ACER3: variants seen among roughly 807,000 people sequenced by gnomAD.
ACER3 encodes alkCDase 3.
In ACER3, 16 loss-of-function variants were observed where a neutral mutation model predicts 48.9. The observed-to-expected ratio is 0.33, with a 90% CI of 0.22 to 0.50. The LOEUF is 0.50. ACER3 is among the 20% of genes least tolerant of loss of function. ACER3 has a pLI of 0.98. For missense variants in ACER3, 227 were observed against 326.0 expected, an observed-to-expected ratio of 0.70 and a Z score of 2.34; for synonymous variants, 109 against 107.8, an observed-to-expected ratio of 1.01 and a Z score of -0.07.
rs782312106 is a variant in ACER3, at chr11:77,015,261, G to A, written c.599+144G>A. On this transcript the variant is annotated intron_variant, in intron 8 of 10. Transcript: ENST00000532485. ...TAAAAGATATATACAGTATAATAAA[G>A]TTAGACTATTAGAATACCTGTTTAA... 196 of 556,330 alleles carry A rather than the reference G, an allele frequency of 3.5e-4. 1 individual carries two copies. Among genetic ancestry groups the A allele is most frequent in the Non-Finnish European group, 5.0e-4 (162 of 323,068 alleles). The allele number at this position is 556,330 out of a possible 1,614,324, so 34.5% of individuals were successfully genotyped here. A position where few individuals can be genotyped will look rare whatever the true frequency, so the allele number is the denominator to read the frequency against.
At chr11:76,936,238 A>G (rs1048206658) in intron 2 of ACER3, among the ~76,000 whole-genome samples, 11 of 152,202 alleles carry the variant, frequency 7.2e-5, no homozygotes, top group African/African-American at 2.7e-4. Flanking sequence ...CATACAGTAG[A>G]GTTTTTAAAA....
At chr11:76,993,691 A>G (rs554975173) in intron 6 of ACER3, among the ~76,000 whole-genome samples, 7 of 152,210 alleles carry the variant, frequency 4.6e-5, no homozygotes, top group South Asian at 2.1e-4. Flanking sequence ...GTGGAAGACA[A>G]TTTTTCCATG....
chr11:76,887,605 G>C (rs1235416967), intron 1 of ACER3, among the ~76,000 whole-genome samples: 1 of 152,086 alleles, frequency 6.6e-6, no homozygotes, highest in Non-Finnish European at 1.5e-5. Flanking sequence ...GGATTGTTGT[G>C]AAGGTCAAAT....
At position 76,860,939 on chromosome 11, in the gene ACER3, A is replaced by G. The variant is rs1317796053; in HGVS notation, c.-38A>G. ...CCTGGTCGCCAGCCTAACCCGGCAC[A>G]GTGAGCGGAGCGCCTGGGCGGCGGC... On this transcript the variant is annotated 5_prime_UTR_variant, in exon 1 of 11. Coordinates refer to ENST00000532485, the MANE Select transcript of ACER3 (RefSeq NM_018367.7). 8 of 1,462,296 alleles carry G rather than the reference A, an allele frequency of 5.5e-6. No homozygotes were observed. The highest frequency in any genetic ancestry group is 5.5e-6 in the Non-Finnish European group (6 of 1,088,250). 90.6% of individuals were successfully genotyped at this position (1,462,296 alleles called of 1,614,324 possible).
chr11:76,947,314 C>T (rs1172229034), intron 2 of ACER3, among the ~76,000 whole-genome samples: 1 of 152,190 alleles, frequency 6.6e-6, no homozygotes, highest in Non-Finnish European at 1.5e-5. Flanking sequence ...TGCAGGGCCT[C>T]ATGGGGAAGC....
intron 1 of ACER3, among the ~76,000 whole-genome samples, chr11:76,875,107 CTTT>C (rs10676364): frequency 5.9e-4 from 46 of 78,160 alleles, no homozygotes; most frequent in East Asian, 1.1e-3. Context: ...AAAAGCACTT[CTTT>C]TTTTTTTTTT....
rs143721865 is a variant in ACER3, at chr11:76,943,421, G to A, written c.215-15558G>A. On this transcript the variant is annotated intron_variant, in intron 2 of 10. Transcript: ENST00000532485. The stretch of plus-strand genomic sequence containing the variant: ...ATCTTACTTCCTTCATTGGACTAGC[G>A]ATCATTCAGAAGCATGTTGTTTAAT... Among the ~76,000 whole-genome samples the A allele has an allele frequency of 5.9e-3, 892 of 152,042 alleles. 14 individuals are homozygous for A. Among genetic ancestry groups the A allele is most frequent in the Admixed American group, 0.024 (373 of 15,284 alleles).
chr11:76,929,898 G>A (rs1392302137), intron 2 of ACER3, among the ~76,000 whole-genome samples: 3 of 152,122 alleles, frequency 2.0e-5, no homozygotes, highest in Admixed American at 6.5e-5. Context: ...TTTTTACATC[G>A]ATGTTCATCA....
intron 7 of ACER3, among the ~76,000 whole-genome samples, chr11:77,006,002 T>C (rs1284043029): frequency 4.0e-5 from 5 of 124,322 alleles, no homozygotes; most frequent in Non-Finnish European, 8.7e-5. Context: ...TTTTTTTTTT[T>C]TTTTGAGCCA....
chr11:76,928,578 G>C (rs2134825054), intron 2 of ACER3, among the ~76,000 whole-genome samples: 1 of 152,252 alleles, frequency 6.6e-6, no homozygotes, highest in East Asian at 1.9e-4. Context: ...TTCTTTTAGG[G>C]TTTTTATGGT....
chr11:76,983,176 A>G (rs1441717933), intron 4 of ACER3, among the ~76,000 whole-genome samples: 3 of 152,198 alleles, frequency 2.0e-5, no homozygotes, highest in African/African-American at 4.8e-5. Context: ...AGGAAAGTTA[A>G]TATCTTAACA....
intron 2 of ACER3, among the ~76,000 whole-genome samples, chr11:76,946,685 C>G (rs576622699): frequency 6.6e-6 from 1 of 152,286 alleles, no homozygotes; most frequent in Non-Finnish European, 1.5e-5. Flanking sequence ...TGGGAGCACC[C>G]AGTCTCCCCT....
intron 7 of ACER3, among the ~76,000 whole-genome samples, chr11:77,002,027 A>G (rs983634343): frequency 2.0e-5 from 3 of 152,060 alleles, no homozygotes; most frequent in Admixed American, 2.0e-4. Flanking sequence ...TTCTCTGTGC[A>G]TGCCTGGGTC....
At chr11:76,991,406 C>T (rs941268506) in intron 6 of ACER3, among the ~76,000 whole-genome samples, 4 of 152,178 alleles carry the variant, frequency 2.6e-5, no homozygotes, top group African/African-American at 9.7e-5. Context: ...TCAAGCTATA[C>T]AATAATCATC....
chr11:76,865,337 A>G (rs1453027476), intron 1 of ACER3, among the ~76,000 whole-genome samples: 2 of 151,608 alleles, frequency 1.3e-5, no homozygotes, highest in East Asian at 3.9e-4. Flanking sequence ...TCAGCTTCCA[A>G]AATTTATCCT....
intron 1 of ACER3, among the ~76,000 whole-genome samples, chr11:76,921,088 A>G (rs1946675467): frequency 6.6e-6 from 1 of 152,170 alleles, no homozygotes; most frequent in Admixed American, 6.5e-5. Flanking sequence ...TCTTTAAATC[A>G]GCTTTTTAAA....
At chr11:76,964,923 G>A (rs1428640368) in intron 3 of ACER3, among the ~76,000 whole-genome samples, 1 of 151,348 alleles carries the variant, frequency 6.6e-6, no homozygotes, top group Non-Finnish European at 1.5e-5. Context: ...CCAAAGGAAT[G>A]CAGCTCCTCA....
chr11:76,921,243 T>C, intron 1 of ACER3, among the ~76,000 whole-genome samples: 1 of 152,206 alleles, frequency 6.6e-6, no homozygotes. Context: ...TATTTTCTTC[T>C]GAAGGTTTTA....
chr11:77,005,972 C>CATATATATAT (rs61113921), intron 7 of ACER3, among the ~76,000 whole-genome samples: 1 of 107,100 alleles, frequency 9.3e-6, no homozygotes, highest in African/African-American at 3.5e-5. Flanking sequence ...TATATATATA[C>CATATATATAT]ATATATATAT....
Sources: allele counts gnomAD v4.1 joint callset (sites outside exome capture counted in the v4.1 genomes callset), GRCh38; gene constraint gnomAD v4.1.1; transcripts MANE v1.5; gene names NCBI Gene and HGNC (gene_info 2026-07-23, HGNC 2026-07-21).